Variants in CFAP91 observed in about 807,000 individuals in gnomAD.
CFAP91 encodes cilia and flagella associated protein 91, also known as cilia- and flagella-associated protein 91.
A neutral mutation model predicts 95.9 loss-of-function variants in CFAP91; 85 were observed. The observed-to-expected ratio is 0.89, with a 90% CI of 0.74 to 1.06. The LOEUF is 1.06. Ranked by LOEUF, CFAP91 falls within the 50% of genes least tolerant of loss-of-function variation. CFAP91 has a pLI of 0.00. For missense variants in CFAP91, 962 were observed against 943.4 expected (o/e 1.02, Z -0.26); for synonymous variants, 335 against 327.5 (o/e 1.02, Z -0.25).
At chr3:119,719,334 G>C (rs1363957715) in intron 6 of CFAP91, among the ~76,000 whole-genome samples, 3 of 152,078 alleles carry the variant, frequency 2.0e-5, no homozygotes, top group Non-Finnish European at 4.4e-5. Flanking sequence ...CTAGTGTTCT[G>C]GTAATATTCT....
chr3:119,755,524 TCCTC>T (rs1432781720), intron 17 of CFAP91, among the ~76,000 whole-genome samples: 1 of 152,142 alleles, frequency 6.6e-6, no homozygotes. Context: ...CTCCCTCTCT[TCCTC>T]CATCTTCAAT....
intron 5 of CFAP91, among the ~76,000 whole-genome samples, chr3:119,712,279 T>G (rs1465235609): frequency 6.6e-6 from 1 of 152,214 alleles, no homozygotes; most frequent in Non-Finnish European, 1.5e-5. Flanking sequence ...ATGTATTAAG[T>G]TACTGAAAGA....
intron 5 of CFAP91, among the ~76,000 whole-genome samples, chr3:119,713,509 ATC>A (rs2053514876): frequency 6.6e-6 from 1 of 151,756 alleles, no homozygotes; most frequent in Non-Finnish European, 1.5e-5. Context: ...AAATGGAAAT[ATC>A]TCTTTGTTTT....
chr3:119,740,010 AT>A (rs1199561977), intron 12 of CFAP91, among the ~76,000 whole-genome samples: 1 of 152,000 alleles, frequency 6.6e-6, no homozygotes, highest in Non-Finnish European at 1.5e-5. Flanking sequence ...GCCCCAGTTA[AT>A]TTTTTTTCCC....
chr3:119,753,325 A>C (rs1453291630), intron 17 of CFAP91, among the ~76,000 whole-genome samples: 1 of 152,178 alleles, frequency 6.6e-6, no homozygotes, highest in Non-Finnish European at 1.5e-5. Context: ...CTAAAAGTCT[A>C]TGCCCTAGTG....
intron 1 of CFAP91, among the ~76,000 whole-genome samples, chr3:119,704,222 C>T (rs1374693046): frequency 6.6e-6 from 1 of 152,144 alleles, no homozygotes; most frequent in Non-Finnish European, 1.5e-5. Flanking sequence ...AACATCTCCC[C>T]AAAGTATTTA....
chr3:119,743,290 G>GT (rs199816063), intron 13 of CFAP91, among the ~76,000 whole-genome samples: 2,402 of 151,888 alleles, frequency 0.016, 57 homozygotes, highest in African/African-American at 0.055. Flanking sequence ...GCTAATTTTT[G>GT]TATTTTTAGT....
At chr3:119,732,613 A>G in intron 9 of CFAP91, 137 bp downstream of exon 9, 3 of 638,606 alleles carry the variant, frequency 4.7e-6, no homozygotes, top group South Asian at 2.4e-5. Flanking sequence ...ATACAAACCA[A>G]TAAAAACTAC....
At chr3:119,748,167 G>A (rs1397789244) in intron 16 of CFAP91, among the ~76,000 whole-genome samples, 2 of 152,168 alleles carry the variant, frequency 1.3e-5, no homozygotes, top group Non-Finnish European at 2.9e-5. Context: ...CAAGTTTTCA[G>A]AAGAGCTGTA....
intron 5 of CFAP91, chr3:119,710,463 A>T (rs1301972151): frequency 6.6e-6 from 1 of 152,372 alleles, no homozygotes; most frequent in Non-Finnish European, 1.5e-5. Flanking sequence ...TAATCCATTG[A>T]TGAGGGTGGA....
chr3:119,751,262 G>T (rs1040954037), intron 17 of CFAP91, among the ~76,000 whole-genome samples, 164 bp downstream of exon 17: 1 of 152,190 alleles, frequency 6.6e-6, no homozygotes, highest in Non-Finnish European at 1.5e-5. Flanking sequence ...GTTATCTACT[G>T]TTGAGATTAT....
At chr3:119,741,163 GA>G (rs569650253) in intron 13 of CFAP91, among the ~76,000 whole-genome samples, 137 of 152,248 alleles carry the variant, frequency 9.0e-4, no homozygotes, top group African/African-American at 3.3e-3. Flanking sequence ...TTTGATTGGG[GA>G]TGTGCCCTTA....
intron 6 of CFAP91, among the ~76,000 whole-genome samples, chr3:119,720,066 C>G (rs2053652362): frequency 6.8e-6 from 1 of 146,786 alleles, no homozygotes; most frequent in Admixed American, 7.0e-5. Flanking sequence ...CAGAGCGAGA[C>G]TCCGTCTCAA....
chr3:119,754,708 GC>G (rs766347371), intron 17 of CFAP91, among the ~76,000 whole-genome samples: 4 of 152,214 alleles, frequency 2.6e-5, no homozygotes, highest in Non-Finnish European at 4.4e-5. Flanking sequence ...CAGCCAGGTG[GC>G]TTTCACCATG....
chr3:119,732,597 C>T, intron 9 of CFAP91, 121 bp downstream of exon 9: 1 of 707,606 alleles, frequency 1.4e-6, no homozygotes, highest in Non-Finnish European at 2.3e-6. Flanking sequence ...GCAATAAACA[C>T]TGATGATACA....
chr3:119,725,448 A>G (rs1182411791), intron 6 of CFAP91, among the ~76,000 whole-genome samples: 1 of 152,176 alleles, frequency 6.6e-6, no homozygotes, highest in Admixed American at 6.5e-5. Flanking sequence ...TAGTGTCTTC[A>G]TTTTCTGTTA....
intron 5 of CFAP91, among the ~76,000 whole-genome samples, chr3:119,715,185 G>GTTCAGTTCA (rs955645030): frequency 1.3e-5 from 2 of 152,102 alleles, no homozygotes; most frequent in Non-Finnish European, 2.9e-5. Context: ...AACAGAGAGT[G>GTTCAGTTCA]GTATGGAACT....
At chr3:119,758,165 T>C (rs2054469109) in intron 17 of CFAP91, among the ~76,000 whole-genome samples, 1 of 152,154 alleles carries the variant, frequency 6.6e-6, no homozygotes, top group African/African-American at 2.4e-5. Context: ...TGTGACTTTT[T>C]TCCAGCTCAG....
chr3:119,742,088 G>C lies in CFAP91; in HGVS notation c.1680+1393G>C, dbSNP rs1450039598. Among the ~76,000 whole-genome samples, 3 of 152,182 alleles carry C rather than the reference G, an allele frequency of 2.0e-5. No homozygotes were observed. The East Asian group carries it at 5.8e-4, about 29-fold the overall frequency. ...GCCCTCCTTGGCCCTTTCAGTTTCT[G>C]ATCATGACTTTAGTGGGTATAGCTA... is the stretch of plus-strand genomic sequence containing the variant. On this transcript the variant is annotated intron_variant, in intron 13 of 17. Coordinates refer to ENST00000273390, the MANE Select transcript of CFAP91 (RefSeq NM_033364.4).
Sources: allele counts gnomAD v4.1 joint callset (sites outside exome capture counted in the v4.1 genomes callset), GRCh38; gene constraint gnomAD v4.1.1; transcripts MANE v1.5; gene names NCBI Gene and HGNC (gene_info 2026-07-23, HGNC 2026-07-21).